Variants in SMCHD1 observed in about 807,000 individuals in gnomAD.
SMCHD1 encodes the protein structural maintenance of chromosomes flexible hinge domain-containing protein 1.
A neutral mutation model predicts 254.7 loss-of-function variants in SMCHD1; 78 were observed. The observed-to-expected ratio is 0.31, with a 90% CI of 0.26 to 0.37. The LOEUF is 0.37. Ranked by LOEUF, SMCHD1 falls within the 10% of genes least tolerant of loss-of-function variation. The pLI, the probability that SMCHD1 is intolerant of heterozygous loss-of-function variation, is 1.00. For missense variants in SMCHD1, 1,840 were observed against 2,408.1 expected, an observed-to-expected ratio of 0.76 and a Z score of 4.94; for synonymous variants, 766 against 794.9, an observed-to-expected ratio of 0.96 and a Z score of 0.61.
At chr18:2,755,725 G>A (rs1055394372) in intron 34 of SMCHD1, among the ~76,000 whole-genome samples, 35 of 151,540 alleles carry the variant, frequency 2.3e-4, no homozygotes, top group Non-Finnish European at 3.7e-4. Flanking sequence ...CTGCCACCAC[G>A]CCCAGCTAAT....
At position 2,729,264 on chromosome 18, in the gene SMCHD1, C is replaced by T. The variant is rs1339481816; in HGVS notation, c.2914-11C>T. The T allele has an allele frequency of 7.0e-7, 1 of 1,438,606 alleles. No homozygotes were observed. The highest frequency in any genetic ancestry group is 9.1e-7 in the Non-Finnish European group (1 of 1,093,708). The allele number at this position is 1,438,606 out of a possible 1,614,324, so 89.1% of individuals were successfully genotyped here. A position where few individuals can be genotyped will look rare whatever the true frequency, so the allele number is the denominator to read the frequency against. On this transcript the variant is annotated splice_polypyrimidine_tract_variant and intron_variant, in intron 23 of 47. Transcript: ENST00000320876. ...ATAGGGGTCTTACATTATTTTTCAT[C>T]TTTCAAATAGTTTTCAGGTGCTCCA...
At chr18:2,737,575 T>C in intron 25 of SMCHD1, among the ~76,000 whole-genome samples, 1 of 135,228 alleles carries the variant, frequency 7.4e-6, no homozygotes, top group African/African-American at 2.7e-5. Context: ...TAGGCAGACC[T>C]GGGGTGCATG....
At chr18:2,777,302 C>T (rs1375667136) in intron 42 of SMCHD1, among the ~76,000 whole-genome samples, 1 of 152,202 alleles carries the variant, frequency 6.6e-6, no homozygotes, top group Non-Finnish European at 1.5e-5. Flanking sequence ...GGGAAAGTCT[C>T]TGACACCCCA....
chr18:2,707,761 C>A, intron 16 of SMCHD1, 46 bp from the exon 17 acceptor site: 1 of 1,536,366 alleles, frequency 6.5e-7, no homozygotes, highest in East Asian at 2.3e-5. Context: ...GCAGATTCAG[C>A]AAATTTTTGG....
At position 2,681,287 on chromosome 18, in the gene SMCHD1, C is replaced by T. The variant is rs142138857; in HGVS notation, c.639-7107C>T. ...AATTAGCCAGGTGTGGTGGTGTGTG[C>T]TGGTAATCCCAGCTGCTCAGGAGGC... On this transcript the variant is annotated intron_variant, in intron 5 of 47. Coordinates refer to ENST00000320876, the MANE Select transcript of SMCHD1 (RefSeq NM_015295.3). Among the ~76,000 whole-genome samples the T allele has an allele frequency of 5.5e-3, 837 of 151,882 alleles. 5 individuals carry two copies. The highest frequency in any genetic ancestry group is 0.019 in the African/African-American group (795 of 41,414).
Position 2,700,824 on chromosome 18 carries a change from A to G in SMCHD1, c.1553A>G (p.Lys518Arg), listed in dbSNP as rs773671422. ...RISGALFTND[K>R]FQVSTNKLTF... Reference sequence around the variant, plus strand: ...TCTGGTGCATTATTCACTAATGACAAATTCCAGGTCAGCACAAATAAATTG... The same window carrying G: ...TCTGGTGCATTATTCACTAATGACAGATTCCAGGTCAGCACAAATAAATTG... The change falls in exon 12 of 48, where the codon AAA becomes AGA. Residue 518 changes from lysine to arginine, a missense_variant. Transcript: ENST00000320876. The G allele has an allele frequency of 6.2e-6, 10 of 1,613,446 alleles. No homozygotes were observed. Among genetic ancestry groups the G allele is most frequent in the African/African-American group, 2.7e-5 (2 of 74,924 alleles).
intron 23 of SMCHD1, 37 bp from the exon 24 acceptor site, chr18:2,729,238 A>T: frequency 7.2e-7 from 1 of 1,384,092 alleles, no homozygotes; most frequent in Non-Finnish European, 9.5e-7. Context: ...AAATATATTT[A>T]ATAGGGGTCT....
Position 2,732,141 on chromosome 18 carries a change from T to C in SMCHD1, c.3049-124T>C, listed in dbSNP as rs1256226603. ...TATTAATAGTATAATGCCATCTTAA[T>C]GACAAAACCTGTGAGTATAACAATG... On this transcript the variant is annotated intron_variant, in intron 24 of 47. Coordinates refer to ENST00000320876, the MANE Select transcript of SMCHD1 (RefSeq NM_015295.3). The C allele has an allele frequency of 1.3e-4, 85 of 671,566 alleles. 1 individual carries two copies. In the South Asian group the frequency reaches 1.9e-3, roughly 15 times the overall value. 41.6% of individuals were successfully genotyped at this position (671,566 alleles called of 1,614,324 possible).
intron 23 of SMCHD1, chr18:2,728,828 C>T (rs1174085601): frequency 1.5e-5 from 6 of 404,508 alleles, no homozygotes; most frequent in Non-Finnish European, 2.6e-5. Context: ...TTACTCACCT[C>T]TCCTCTCTTG....
intron 5 of SMCHD1, among the ~76,000 whole-genome samples, chr18:2,686,818 C>T (rs2074062593): frequency 1.3e-5 from 2 of 151,950 alleles, no homozygotes; most frequent in Non-Finnish European, 2.9e-5. Flanking sequence ...AGTGTCCTAC[C>T]TGGTCAATGT....
intron 41 of SMCHD1, 30 bp from the exon 42 acceptor site, chr18:2,775,704 A>T: frequency 6.4e-7 from 1 of 1,570,768 alleles, no homozygotes. Context: ...TGGATTTTAT[A>T]TTTTTTTACT....
chr18:2,693,253 A>C (rs958700757), intron 7 of SMCHD1, among the ~76,000 whole-genome samples: 1 of 152,214 alleles, frequency 6.6e-6, no homozygotes, highest in Non-Finnish European at 1.5e-5. Context: ...AGCAACATAC[A>C]CAGTAGATAT....
chr18:2,719,012 C>G (rs1037060973), intron 19 of SMCHD1, among the ~76,000 whole-genome samples: 2 of 151,776 alleles, frequency 1.3e-5, no homozygotes, highest in African/African-American at 4.8e-5. Context: ...AAAACGTTCT[C>G]TGTTCCCCAG....
At chr18:2,673,400 C>CT in intron 4 of SMCHD1, 37 bp downstream of exon 4, 1 of 1,355,292 alleles carries the variant, frequency 7.4e-7, no homozygotes. Flanking sequence ...TTAACTTTTC[C>CT]TTTTGTAAGA....
chr18:2,781,578 TGAGAA>T (rs2076157305), intron 44 of SMCHD1, among the ~76,000 whole-genome samples: 1 of 152,018 alleles, frequency 6.6e-6, no homozygotes, highest in Non-Finnish European at 1.5e-5. Context: ...GTGTTGAAAA[TGAGAA>T]AAGAACAAGT....
intron 37 of SMCHD1, among the ~76,000 whole-genome samples, chr18:2,768,233 A>G (rs1026678495): frequency 1.3e-5 from 2 of 152,344 alleles, no homozygotes; most frequent in Middle Eastern, 3.4e-3. Flanking sequence ...AATGGAAAAG[A>G]AAATATAAAT....
At chr18:2,775,193 C>T (rs1393829884) in intron 41 of SMCHD1, among the ~76,000 whole-genome samples, 2 of 149,128 alleles carry the variant, frequency 1.3e-5, no homozygotes, top group African/African-American at 2.5e-5. Context: ...ATCCTCCTTC[C>T]TCAGCCTCCT....
At chr18:2,792,179 G>A (rs763770064) in intron 45 of SMCHD1, among the ~76,000 whole-genome samples, 7 of 152,082 alleles carry the variant, frequency 4.6e-5, no homozygotes, top group Non-Finnish European at 8.8e-5. Flanking sequence ...GTCATGTGCC[G>A]CACAAGGCTG....
Position 2,763,584 on chromosome 18 carries a change from G to T in SMCHD1, c.4567-53G>T, listed in dbSNP as rs1292271184. Reference sequence around the variant, plus strand: ...TTCTGATTTGTACATGCTCTTCTCTGGGTTTAATCTTCTCATCAGTTTCTC... The same window carrying T: ...TTCTGATTTGTACATGCTCTTCTCTTGGTTTAATCTTCTCATCAGTTTCTC... On this transcript the variant is annotated intron_variant, in intron 36 of 47. Transcript: ENST00000320876. 2.2e-6 allele frequency: 3 copies of T among 1,376,048 alleles called. No individual in the cohort carries two copies. In the East Asian group the frequency reaches 7.8e-5, roughly 36 times the overall value. 85.2% of individuals were successfully genotyped at this position (1,376,048 alleles called of 1,614,324 possible).
Sources: gnomAD v4.1 joint callset for allele counts (sites outside exome capture counted in the v4.1 genomes callset) on GRCh38, gnomAD v4.1.1 for gene constraint, MANE v1.5 for transcripts, NCBI Gene and HGNC (gene_info 2026-07-23, HGNC 2026-07-21) for gene names.